Variants in SIPA1L1 observed in about 807,000 individuals in gnomAD.
SIPA1L1 encodes signal-induced proliferation-associated 1-like protein 1.
A neutral mutation model predicts 162.7 loss-of-function variants in SIPA1L1; 26 were observed. That is an observed-to-expected ratio of 0.16 (90% confidence interval 0.12 to 0.22). SIPA1L1 has a LOEUF of 0.22. SIPA1L1 is among the 10% of genes least tolerant of loss of function. The pLI is 1.00. For missense variants in SIPA1L1, 1,874 were observed against 2,241.0 expected (o/e 0.84, Z 3.31); for synonymous variants, 829 against 837.4 (o/e 0.99, Z 0.17).
intron 2 of SIPA1L1, among the ~76,000 whole-genome samples, chr14:71,474,053 A>G (rs1300207433): frequency 6.6e-6 from 1 of 152,230 alleles, no homozygotes; most frequent in African/African-American, 2.4e-5. Context: ...CTGTTGTGAC[A>G]TGCTACATTT....
At chr14:71,474,410 G>A (rs953938641) in intron 2 of SIPA1L1, among the ~76,000 whole-genome samples, 20 of 152,172 alleles carry the variant, frequency 1.3e-4, no homozygotes, top group African/African-American at 4.6e-4. Flanking sequence ...ATGCCCACTG[G>A]GAGATACAGT....
intron 1 of SIPA1L1, among the ~76,000 whole-genome samples, chr14:71,320,777 C>T (rs1297566575): frequency 6.6e-6 from 1 of 151,856 alleles, no homozygotes; most frequent in Admixed American, 6.5e-5. Context: ...CCGTACTGGC[C>T]GCCCCCTCAG....
chr14:71,649,099 A>G (rs2042408047), intron 7 of SIPA1L1, among the ~76,000 whole-genome samples: 1 of 152,140 alleles, frequency 6.6e-6, no homozygotes, highest in Admixed American at 6.5e-5. Context: ...ATTAGATAAA[A>G]CCTTACTGAT....
intron 2 of SIPA1L1, among the ~76,000 whole-genome samples, chr14:71,446,172 GA>G (rs1356592551): frequency 6.6e-6 from 1 of 152,050 alleles, no homozygotes; most frequent in Admixed American, 6.6e-5. Flanking sequence ...TATTTTAAAG[GA>G]ATTGTTTTTT....
intron 7 of SIPA1L1, among the ~76,000 whole-genome samples, chr14:71,631,011 A>G (rs1427934865): frequency 6.6e-6 from 1 of 151,954 alleles, no homozygotes; most frequent in Non-Finnish European, 1.5e-5. Flanking sequence ...TCCCAATGCT[A>G]TCCCTCCCCC....
At chr14:71,362,395 A>G (rs1158278983) in intron 2 of SIPA1L1, among the ~76,000 whole-genome samples, 4 of 152,130 alleles carry the variant, frequency 2.6e-5, no homozygotes, top group Admixed American at 2.6e-4. Flanking sequence ...CTTTCATTCC[A>G]CTAAGGTATG....
At chr14:71,704,036 G>A (rs541261676) in intron 15 of SIPA1L1, among the ~76,000 whole-genome samples, 1 of 152,254 alleles carries the variant, frequency 6.6e-6, no homozygotes, top group South Asian at 2.1e-4. Flanking sequence ...GCCTGCCAAA[G>A]AAGCCTTTTC....
chr14:71,335,490 A>G (rs2034999622), intron 2 of SIPA1L1, among the ~76,000 whole-genome samples: 2 of 152,340 alleles, frequency 1.3e-5, no homozygotes, highest in South Asian at 4.1e-4. Context: ...AGGTCCTGAC[A>G]CATGCAGTGA....
At chr14:71,351,744 A>C (rs1319748095) in intron 2 of SIPA1L1, among the ~76,000 whole-genome samples, 1 of 152,222 alleles carries the variant, frequency 6.6e-6, no homozygotes, top group African/African-American at 2.4e-5. Flanking sequence ...AGACAACTGT[A>C]AGAATTTATG....
chr14:71,724,619 G>A, intron 18 of SIPA1L1, 51 bp from the exon 19 acceptor site: 1 of 1,532,836 alleles, frequency 6.5e-7, no homozygotes, highest in Non-Finnish European at 8.9e-7. Flanking sequence ...TCATGCCCTT[G>A]AGCCAGCCTT....
intron 4 of SIPA1L1, among the ~76,000 whole-genome samples, chr14:71,585,665 C>G (rs1010549771): frequency 1.3e-5 from 2 of 151,928 alleles, no homozygotes; most frequent in African/African-American, 4.8e-5. Flanking sequence ...GGTGTGTTGT[C>G]CTTTTAGAGA....
intron 4 of SIPA1L1, among the ~76,000 whole-genome samples, chr14:71,542,367 C>CCTGTTG (rs58791623): frequency 0.3 from 40,814 of 137,388 alleles, 6,903 homozygotes; most frequent in East Asian, 0.68. Context: ...TCTTCTTCTT[C>CCTGTTG]CTGCTGCTGC....
At chr14:71,701,025 A>T (rs1286742266) in intron 14 of SIPA1L1, among the ~76,000 whole-genome samples, 1 of 111,630 alleles carries the variant, frequency 9.0e-6, no homozygotes, top group Non-Finnish European at 1.8e-5. Flanking sequence ...AAAAAAAAAA[A>T]AAAAAAAAAG....
intron 7 of SIPA1L1, among the ~76,000 whole-genome samples, chr14:71,641,664 A>G (rs182510905): frequency 1.4e-3 from 220 of 152,338 alleles, no homozygotes; most frequent in Middle Eastern, 3.4e-3. Flanking sequence ...CGGAGCTTGC[A>G]GTGAGCCGAG....
intron 12 of SIPA1L1, among the ~76,000 whole-genome samples, chr14:71,674,348 A>T (rs556430015): frequency 6.6e-6 from 1 of 152,266 alleles, no homozygotes; most frequent in South Asian, 2.1e-4. Flanking sequence ...AGAAAGATGG[A>T]TAAGAGGCCT....
chr14:71,659,943 G>A (rs977579724), intron 9 of SIPA1L1, among the ~76,000 whole-genome samples: 1 of 150,250 alleles, frequency 6.7e-6, no homozygotes, highest in African/African-American at 2.5e-5. Flanking sequence ...CTTTATGCTT[G>A]GAAAAAAAAA....
chr14:71,740,921 A>G lies in SIPA1L1; in HGVS notation c.*1760A>G, dbSNP rs780121932. The G allele has an allele frequency of 4.6e-5, 7 of 152,138 alleles. No individual in the cohort carries two copies. Among genetic ancestry groups the G allele is most frequent in the Non-Finnish European group, 7.4e-5 (5 of 68,016 alleles). 9.4% of individuals were successfully genotyped at this position (152,138 alleles called of 1,614,324 possible). A position where few individuals can be genotyped will look rare whatever the true frequency, so the allele number is the denominator to read the frequency against. ...GAGTTTAGTTCTCATTTTGTTTTAC[A>G]TTTTGTTTGGGGACTTGGGGCAAGC... On this transcript the variant is annotated 3_prime_UTR_variant, in exon 24 of 24. Coordinates refer to ENST00000381232, the MANE Select transcript of SIPA1L1 (RefSeq NM_001386936.1).
chr14:71,520,779 G>T (rs770665644), intron 3 of SIPA1L1, among the ~76,000 whole-genome samples: 4 of 151,662 alleles, frequency 2.6e-5, no homozygotes, highest in Non-Finnish European at 5.9e-5. Flanking sequence ...TTGACACAGG[G>T]CCTCACTCTG....
intron 2 of SIPA1L1, among the ~76,000 whole-genome samples, chr14:71,423,177 T>C (rs556402988): frequency 6.6e-6 from 1 of 152,170 alleles, no homozygotes; most frequent in Non-Finnish European, 1.5e-5. Context: ...GTTGTTTGTT[T>C]TGTTGTTGAG....
Sources: allele counts gnomAD v4.1 joint callset (sites outside exome capture counted in the v4.1 genomes callset), GRCh38; gene constraint gnomAD v4.1.1; transcripts MANE v1.5; gene names NCBI Gene and HGNC (gene_info 2026-07-23, HGNC 2026-07-21).